Variants in CSMD3 observed in about 807,000 individuals in gnomAD.
The protein encoded by CSMD3 is CUB and sushi domain-containing protein 3.
Under a neutral mutation model 435.2 loss-of-function variants are expected in CSMD3, and 177 were observed. The observed-to-expected ratio is 0.41, with a 90% CI of 0.36 to 0.46. The LOEUF (loss-of-function observed/expected upper bound fraction) is 0.46. Ranked by LOEUF, CSMD3 falls within the 20% of genes least tolerant of loss-of-function variation. The pLI, the probability that CSMD3 is intolerant of heterozygous loss-of-function variation, is 0.34. For missense variants in CSMD3, 4,265 were observed against 4,504.6 expected (o/e 0.95, Z 1.52); for synonymous variants, 1,656 against 1,520.5 (o/e 1.09, Z -2.07).
At chr8:112,339,403 C>T (rs1462330075) in intron 42 of CSMD3, among the ~76,000 whole-genome samples, 1 of 152,028 alleles carries the variant, frequency 6.6e-6, no homozygotes. Flanking sequence ...CAATGGGAAA[C>T]TTCTAGGGGG....
At chr8:112,237,159 GTA>G in intron 67 of CSMD3, 29 bp downstream of exon 67, 2 of 1,603,342 alleles carry the variant, frequency 1.2e-6, no homozygotes, top group Non-Finnish European at 1.7e-6. Flanking sequence ...AGTCATGAAG[GTA>G]TATTTCGCTG....
At chr8:112,678,010 T>C (rs2075805354) in intron 16 of CSMD3, among the ~76,000 whole-genome samples, 1 of 152,172 alleles carries the variant, frequency 6.6e-6, no homozygotes, top group Non-Finnish European at 1.5e-5. Flanking sequence ...TAATTTTTTG[T>C]ATTATTTATA....
At chr8:112,930,502 G>C (rs2130703027) in intron 9 of CSMD3, among the ~76,000 whole-genome samples, 1 of 151,952 alleles carries the variant, frequency 6.6e-6, no homozygotes, top group South Asian at 2.1e-4. Flanking sequence ...CTCAGAGTAG[G>C]GAAACACTAT....
intron 13 of CSMD3, among the ~76,000 whole-genome samples, chr8:112,758,375 A>G (rs2077755787): frequency 1.3e-5 from 2 of 151,982 alleles, no homozygotes; most frequent in Admixed American, 1.3e-4. Context: ...TTAAAAAAGG[A>G]AAAAAATATG....
At chr8:112,386,766 G>A (rs924816834) in intron 36 of CSMD3, among the ~76,000 whole-genome samples, 1 of 152,070 alleles carries the variant, frequency 6.6e-6, no homozygotes, top group Non-Finnish European at 1.5e-5. Context: ...CAAAGTGCTG[G>A]GATTACAGGC....
At chr8:113,269,087 A>T (rs1563630572) in intron 3 of CSMD3, among the ~76,000 whole-genome samples, 1 of 152,124 alleles carries the variant, frequency 6.6e-6, no homozygotes, top group Non-Finnish European at 1.5e-5. Flanking sequence ...ACATATATCA[A>T]AAAGATTTTA....
intron 47 of CSMD3, among the ~76,000 whole-genome samples, chr8:112,318,543 C>A (rs547249304): frequency 2.1e-4 from 32 of 152,028 alleles, no homozygotes; most frequent in African/African-American, 7.5e-4. Context: ...AGTGATTTCC[C>A]TTTCTCTCCA....
chr8:112,998,260 T>C (rs2085730314), intron 6 of CSMD3, among the ~76,000 whole-genome samples: 1 of 151,866 alleles, frequency 6.6e-6, no homozygotes, highest in African/African-American at 2.4e-5. Context: ...CTGGAAGAAT[T>C]ATCCTTTTAT....
chr8:113,308,937 G>GT (rs1016082676), intron 2 of CSMD3, among the ~76,000 whole-genome samples: 10 of 151,804 alleles, frequency 6.6e-5, no homozygotes, highest in Non-Finnish European at 1.2e-4. Context: ...GATGTTTTTT[G>GT]TTTTTTTGTT....
chr8:112,827,040 A>C (rs1405134294), intron 12 of CSMD3, among the ~76,000 whole-genome samples: 1 of 151,116 alleles, frequency 6.6e-6, no homozygotes, highest in Non-Finnish European at 1.5e-5. Context: ...TTTTAACATT[A>C]GGGATTGTAC....
intron 1 of CSMD3, among the ~76,000 whole-genome samples, chr8:113,401,041 G>A (rs2094507694): frequency 6.6e-6 from 1 of 151,626 alleles, no homozygotes; most frequent in South Asian, 2.1e-4. Flanking sequence ...GAAATATAAT[G>A]TTACCCTAAC....
intron 1 of CSMD3, among the ~76,000 whole-genome samples, chr8:113,319,835 T>C (rs960437452): frequency 8.5e-5 from 13 of 152,100 alleles, no homozygotes; most frequent in South Asian, 2.1e-4. Flanking sequence ...GAAACAACTT[T>C]GGTTATTCTT....
chr8:112,838,801 T>G (rs1007101497), intron 11 of CSMD3, among the ~76,000 whole-genome samples: 1 of 151,726 alleles, frequency 6.6e-6, no homozygotes, highest in East Asian at 1.9e-4. Flanking sequence ...AAAATTCATG[T>G]TAATGATGTT....
chr8:112,609,617 A>T (rs1009361691), intron 22 of CSMD3, among the ~76,000 whole-genome samples: 4 of 152,272 alleles, frequency 2.6e-5, no homozygotes, highest in East Asian at 3.9e-4. Flanking sequence ...GTTCCTCAGA[A>T]TATTAAAAAT....
At chr8:112,543,612 T>G in intron 27 of CSMD3, among the ~76,000 whole-genome samples, 1 of 152,120 alleles carries the variant, frequency 6.6e-6, no homozygotes. Context: ...ATAGAAACTC[T>G]TACATGCTAT....
chr8:112,984,866 T>C (rs941144272), intron 6 of CSMD3, among the ~76,000 whole-genome samples: 1 of 152,078 alleles, frequency 6.6e-6, no homozygotes, highest in African/African-American at 2.4e-5. Flanking sequence ...TCTTTCTCTA[T>C]GTTTCAATCA....
chr8:112,914,229 C>G (rs186937657), intron 10 of CSMD3, among the ~76,000 whole-genome samples: 2 of 151,762 alleles, frequency 1.3e-5, no homozygotes, highest in Non-Finnish European at 1.5e-5. Flanking sequence ...GTCTTTATGA[C>G]AAATATTGAC....
At chr8:113,052,837 T>G (rs1313586140) in intron 5 of CSMD3, among the ~76,000 whole-genome samples, 2 of 152,194 alleles carry the variant, frequency 1.3e-5, no homozygotes, top group African/African-American at 2.4e-5. Context: ...AAGAGAGGTA[T>G]TAGAGCATGT....
At chr8:112,335,105 A>T (rs1181010041) in intron 45 of CSMD3, among the ~76,000 whole-genome samples, 1 of 152,154 alleles carries the variant, frequency 6.6e-6, no homozygotes, top group Non-Finnish European at 1.5e-5. Flanking sequence ...TTACTGACTG[A>T]TTTATTTCCT....
Sources: gnomAD v4.1 joint callset for allele counts (sites outside exome capture counted in the v4.1 genomes callset) on GRCh38, gnomAD v4.1.1 for gene constraint, MANE v1.5 for transcripts, NCBI Gene and HGNC (gene_info 2026-07-23, HGNC 2026-07-21) for gene names.